Variants in RGS5 observed in about 807,000 individuals in gnomAD.
RGS5 encodes the protein regulator of G-protein signalling 5.
Under a neutral mutation model 18.9 loss-of-function variants are expected in RGS5, and 20 were observed. The ratio of observed to expected loss-of-function variants is 1.06; its 90% CI spans 0.74 to 1.54. RGS5 has a LOEUF of 1.54. Among genes scored for constraint, RGS5 ranks in the 40% most tolerant of loss-of-function variants. The probability of loss-of-function intolerance (pLI) is 0.00; values close to 1 mark genes in which losing one functional copy is unlikely to be tolerated. For synonymous variants in RGS5, 57 were observed against 76.2 expected (o/e 0.75, Z 1.31); for missense variants, 201 against 211.8 (o/e 0.95, Z 0.32).
At chr1:163,250,445 T>C (rs1331151497) in intron 2 of RGS5, among the ~76,000 whole-genome samples, 1 of 152,244 alleles carries the variant, frequency 6.6e-6, no homozygotes, top group Non-Finnish European at 1.5e-5. Context: ...GTGGTGATTA[T>C]GGCATTATAA....
intron 2 of RGS5, among the ~76,000 whole-genome samples, chr1:163,225,916 A>G (rs1271610336): frequency 8.8e-6 from 1 of 113,684 alleles, no homozygotes; most frequent in Non-Finnish European, 1.7e-5. Context: ...GGTCAAAATC[A>G]CAAGTAATTT....
chr1:163,177,651 G>A (rs551766429), intron 1 of RGS5, among the ~76,000 whole-genome samples: 82 of 152,182 alleles, frequency 5.4e-4, no homozygotes, highest in African/African-American at 2.0e-3. Context: ...CTTAATCTAG[G>A]TGCAAGGACT....
chr1:163,160,996 A>G (rs1234598930), intron 3 of RGS5, among the ~76,000 whole-genome samples: 3 of 152,270 alleles, frequency 2.0e-5, no homozygotes, highest in Non-Finnish European at 4.4e-5. Flanking sequence ...AACATAAGGC[A>G]GCAAGTATTA....
chr1:163,169,495 C>A (rs1261883124), intron 1 of RGS5, among the ~76,000 whole-genome samples: 1 of 152,094 alleles, frequency 6.6e-6, no homozygotes, highest in African/African-American at 2.4e-5. Context: ...TAAAAGTGTT[C>A]CTATTTCTCC....
chr1:163,224,820 T>C (rs1378675172), intron 2 of RGS5, among the ~76,000 whole-genome samples: 2 of 152,364 alleles, frequency 1.3e-5, no homozygotes, highest in African/African-American at 2.4e-5. Context: ...ATATATTCTT[T>C]AGCCATTTAT....
intron 2 of RGS5, among the ~76,000 whole-genome samples, chr1:163,262,324 C>A (rs1336983278): frequency 1.1e-5 from 1 of 91,736 alleles, no homozygotes; most frequent in Non-Finnish European, 2.3e-5. Flanking sequence ...GACCCCACCA[C>A]AGTCCCCAGA....
rs552943356 is a variant in RGS5 at position 163,307,265 on chromosome 1, TA to T, written c.-377-937del. Among the ~76,000 whole-genome samples, 772 of 152,324 alleles carry T rather than the reference TA, an allele frequency of 5.1e-3. 3 individuals carry two copies. The highest frequency in any genetic ancestry group is 0.017 in the African/African-American group (720 of 41,574). On this transcript the variant is annotated intron_variant, in intron 1 of 5. Coordinates refer to the RGS5 transcript ENST00000618415. ...GACAATGTCAAGTAAAAATTGATTCTAGTAGATCCTCTACTTATTTTCTTCT... is the reference window on the plus strand; with the variant it reads ...GACAATGTCAAGTAAAAATTGATTCTGTAGATCCTCTACTTATTTTCTTCT...
chr1:163,320,431 A>G (rs1339500436), intron 1 of RGS5, among the ~76,000 whole-genome samples: 1 of 152,180 alleles, frequency 6.6e-6, no homozygotes, highest in South Asian at 2.1e-4. Context: ...AGTTAGGTTA[A>G]ATAGCTCGCC....
At chr1:163,298,239 T>C (rs760401819) in intron 2 of RGS5, among the ~76,000 whole-genome samples, 5 of 152,088 alleles carry the variant, frequency 3.3e-5, no homozygotes, top group Non-Finnish European at 5.9e-5. Flanking sequence ...TGTATACAAA[T>C]AAAGATAACT....
chr1:163,169,843 T>C (rs1253765430), intron 1 of RGS5, among the ~76,000 whole-genome samples: 1 of 152,208 alleles, frequency 6.6e-6, no homozygotes, highest in Non-Finnish European at 1.5e-5. Context: ...TCCATTGTTC[T>C]CTATGGCTGT....
chr1:163,285,916 C>A (rs1335747087), intron 2 of RGS5, among the ~76,000 whole-genome samples: 1 of 151,980 alleles, frequency 6.6e-6, no homozygotes, highest in Non-Finnish European at 1.5e-5. Context: ...CCGATTATAT[C>A]TCTTTTCTTA....
intron 2 of RGS5, among the ~76,000 whole-genome samples, chr1:163,247,389 G>A (rs554938079): frequency 9.2e-5 from 14 of 152,206 alleles, no homozygotes; most frequent in South Asian, 4.1e-4. Flanking sequence ...GTTTCTAACC[G>A]TATTATCTGT....
intron 2 of RGS5, among the ~76,000 whole-genome samples, chr1:163,272,853 T>C (rs1251236691): frequency 6.6e-6 from 1 of 152,134 alleles, no homozygotes; most frequent in Non-Finnish European, 1.5e-5. Context: ...GTTTTGGAAT[T>C]TGGTAGTATA....
At chr1:163,268,244 T>C (rs79518163) in intron 2 of RGS5, among the ~76,000 whole-genome samples, 4 of 151,930 alleles carry the variant, frequency 2.6e-5, no homozygotes, top group Non-Finnish European at 4.4e-5. Flanking sequence ...GTGTTTTTAC[T>C]GTAGCAATTA....
chr1:163,301,460 G>A (rs1649548524), intron 2 of RGS5, among the ~76,000 whole-genome samples: 1 of 152,112 alleles, frequency 6.6e-6, no homozygotes, highest in Non-Finnish European at 1.5e-5. Context: ...AGCTTCCTGA[G>A]TATCTGGAAC....
intron 2 of RGS5, among the ~76,000 whole-genome samples, chr1:163,299,388 T>C (rs900303747): frequency 5.9e-5 from 9 of 152,168 alleles, no homozygotes; most frequent in Non-Finnish European, 1.2e-4. Context: ...AGAGCAACAA[T>C]GAAAAACTCA....
intron 2 of RGS5, among the ~76,000 whole-genome samples, chr1:163,166,873 C>T (rs1324666006): frequency 6.6e-6 from 1 of 152,100 alleles, no homozygotes; most frequent in Non-Finnish European, 1.5e-5. Flanking sequence ...AAAGTTAATA[C>T]CAACGGATCA....
intron 1 of RGS5, among the ~76,000 whole-genome samples, chr1:163,185,429 T>C (rs1364451011): frequency 6.6e-6 from 1 of 152,228 alleles, no homozygotes; most frequent in African/African-American, 2.4e-5. Flanking sequence ...AATGAATTCA[T>C]CATCTGCTAC....
intron 2 of RGS5, among the ~76,000 whole-genome samples, chr1:163,164,732 T>C (rs1657968199): frequency 6.6e-6 from 1 of 152,206 alleles, no homozygotes; most frequent in Non-Finnish European, 1.5e-5. Context: ...TAATGACCAG[T>C]CCCATGAACC....
Sources: allele counts gnomAD v4.1 joint callset (sites outside exome capture counted in the v4.1 genomes callset), GRCh38; gene constraint gnomAD v4.1.1; transcripts MANE v1.5; gene names NCBI Gene and HGNC (gene_info 2026-07-23, HGNC 2026-07-21).